The following SEPTIN2 variants were observed in gnomAD, a reference collection of about 807,000 sequenced individuals.
SEPTIN2 encodes the protein septin 2.
SEPTIN2 carries 34 observed loss-of-function variants against 46.5 expected under a neutral mutation model. The observed-to-expected ratio is 0.73, with a 90% CI of 0.56 to 0.97. The LOEUF (loss-of-function observed/expected upper bound fraction) is 0.97, where lower values mean the gene tolerates loss of function less well. Among genes scored for constraint, SEPTIN2 ranks in the 50% least tolerant of loss-of-function variants. The pLI, the probability that SEPTIN2 is intolerant of heterozygous loss-of-function variation, is 0.00. For missense variants in SEPTIN2, 347 were observed against 448.4 expected, an observed-to-expected ratio of 0.77 and a Z score of 2.04; for synonymous variants, 175 against 153.4, an observed-to-expected ratio of 1.14 and a Z score of -1.04.
chr2:241,336,583 C>T (rs1165634596), intron 5 of SEPTIN2, among the ~76,000 whole-genome samples: 1 of 152,164 alleles, frequency 6.6e-6, no homozygotes, highest in Admixed American at 6.5e-5. Context: ...CTATTCCTGT[C>T]AACATAAAGC....
chr2:241,331,937 C>T (rs1471552413), intron 3 of SEPTIN2, among the ~76,000 whole-genome samples: 1 of 152,004 alleles, frequency 6.6e-6, no homozygotes, highest in Non-Finnish European at 1.5e-5. Flanking sequence ...TTTTTGGTTT[C>T]GTTTTTTGAG....
In SEPTIN2 at chr2:241,324,203, T is replaced by C. The variant is rs750574508; in HGVS notation, c.-17-13T>C. On this transcript the variant is annotated splice_polypyrimidine_tract_variant and intron_variant, in intron 1 of 12. Transcript: ENST00000391971. ...GTGCGTTTATGTGTGTCTGTGTGTT[T>C]TTTTTTTAACAGACGAAGCTTCACA... 2 of 1,610,488 alleles carry C rather than the reference T, an allele frequency of 1.2e-6. No individual in the cohort carries two copies. The highest frequency in any genetic ancestry group is 2.7e-5 in the African/African-American group (2 of 74,806).
chr2:241,333,434 T>G (rs1242333641), intron 3 of SEPTIN2, among the ~76,000 whole-genome samples: 2 of 152,238 alleles, frequency 1.3e-5, no homozygotes, highest in African/African-American at 2.4e-5. Flanking sequence ...AACACATTGT[T>G]TTGTTCTTTT....
chr2:241,315,922 G>C (rs1372126151), upstream of SEPTIN2: 3 of 152,182 alleles, frequency 2.0e-5, no homozygotes, highest in African/African-American at 2.4e-5. Context: ...TGAGCGGACC[G>C]CGAGCGCTGG....
intron 7 of SEPTIN2, 42 bp from the exon 8 acceptor site, chr2:241,342,950 C>A (rs190881564): frequency 2.7e-4 from 283 of 1,044,682 alleles, no homozygotes; most frequent in Middle Eastern, 4.0e-4. Flanking sequence ...CAATAACATA[C>A]GCAGTTTGCT....
chr2:241,319,500 G>A (rs764927099), intron 1 of SEPTIN2, among the ~76,000 whole-genome samples: 41 of 152,226 alleles, frequency 2.7e-4, no homozygotes, highest in Admixed American at 1.0e-3. Context: ...CCGAATTATC[G>A]GTTGTAATTT....
intron 11 of SEPTIN2, among the ~76,000 whole-genome samples, chr2:241,348,972 C>T (rs2060526335): frequency 6.6e-6 from 1 of 152,152 alleles, no homozygotes; most frequent in African/African-American, 2.4e-5. Flanking sequence ...ACCACAAAGT[C>T]ACCTGAAGAA....
chr2:241,337,361 T>C (rs2150063632), intron 5 of SEPTIN2, 21 bp from the exon 6 acceptor site: 2 of 1,607,272 alleles, frequency 1.2e-6, no homozygotes, highest in East Asian at 4.5e-5. Flanking sequence ...TGATTATTGT[T>C]AATGTTTCTG....
upstream of SEPTIN2, chr2:241,315,712 C>T: frequency 6.6e-6 from 1 of 152,522 alleles, no homozygotes; most frequent in Non-Finnish European, 1.5e-5. Flanking sequence ...TGGCCAACTG[C>T]CGTGGGAGGA....
At chr2:241,324,386 G>GT in intron 2 of SEPTIN2, 145 bp downstream of exon 2, 2 of 519,144 alleles carry the variant, frequency 3.9e-6, no homozygotes, top group Non-Finnish European at 6.3e-6. Flanking sequence ...TAATTTAGTT[G>GT]TCTTTTTTTT....
chr2:241,341,355 C>T (rs1387906629), intron 7 of SEPTIN2, among the ~76,000 whole-genome samples: 1 of 151,976 alleles, frequency 6.6e-6, no homozygotes, highest in Non-Finnish European at 1.5e-5. Context: ...TTATTTTTTA[C>T]TCATCACTTC....
chr2:241,321,515 T>C (rs2077118629), intron 1 of SEPTIN2, among the ~76,000 whole-genome samples: 1 of 152,176 alleles, frequency 6.6e-6, no homozygotes, highest in African/African-American at 2.4e-5. Flanking sequence ...ATTTTCAGCC[T>C]CTCTTTGTTC....
At chr2:241,347,106 A>G (rs1482492637) in intron 10 of SEPTIN2, among the ~76,000 whole-genome samples, 1 of 152,068 alleles carries the variant, frequency 6.6e-6, no homozygotes, top group Non-Finnish European at 1.5e-5. Flanking sequence ...ATTTTTTTTA[A>G]ATTAGCCAGA....
intron 3 of SEPTIN2, among the ~76,000 whole-genome samples, chr2:241,326,344 T>C (rs776226823): frequency 6.6e-6 from 1 of 152,274 alleles, no homozygotes; most frequent in Non-Finnish European, 1.5e-5. Flanking sequence ...TTGTGTCAGC[T>C]AGGCTCCAAA....
chr2:241,322,768 C>T (rs2077332227), intron 1 of SEPTIN2, among the ~76,000 whole-genome samples: 1 of 152,076 alleles, frequency 6.6e-6, no homozygotes, highest in Admixed American at 6.5e-5. Context: ...TCAGGTAGCT[C>T]TAGGAAACTC....
At chr2:241,335,293 A>G (rs2079759587) in intron 4 of SEPTIN2, 81 bp downstream of exon 4, 1 of 1,569,748 alleles carries the variant, frequency 6.4e-7, no homozygotes, top group South Asian at 1.2e-5. Flanking sequence ...TTTATGTCTT[A>G]GCTGTGTGTT....
intron 3 of SEPTIN2, among the ~76,000 whole-genome samples, chr2:241,332,840 T>A (rs1239335372): frequency 6.6e-6 from 1 of 152,172 alleles, no homozygotes; most frequent in African/African-American, 2.4e-5. Flanking sequence ...TCTCAGAGCT[T>A]TGTTGAGCAA....
Position 241,348,133 on chromosome 2 carries a change from G to A in SEPTIN2, c.927-1G>A. 6.2e-7 allele frequency: 1 copy of A among 1,611,068 alleles called. No individual in the cohort carries two copies. Reference sequence around the variant, plus strand: ...TGATTCTGATTTCTTTCGATTCTTAGGAAAGTGGAGAATGAGGACATGAAT... The same window carrying A: ...TGATTCTGATTTCTTTCGATTCTTAAGAAAGTGGAGAATGAGGACATGAAT... On this transcript the variant is annotated splice_acceptor_variant, in intron 10 of 12. Transcript: ENST00000391971. LOFTEE classifies it high-confidence loss of function.
chr2:241,318,981 C>T (rs1258005465), intron 1 of SEPTIN2, among the ~76,000 whole-genome samples: 1 of 152,178 alleles, frequency 6.6e-6, no homozygotes, highest in East Asian at 1.9e-4. Context: ...CAGGCATGAG[C>T]TACCGCACCC....
Sources: gnomAD v4.1 joint callset for allele counts (sites outside exome capture counted in the v4.1 genomes callset) on GRCh38, gnomAD v4.1.1 for gene constraint, MANE v1.5 for transcripts, NCBI Gene and HGNC (gene_info 2026-07-23, HGNC 2026-07-21) for gene names.